Variants in FMN2 observed in about 807,000 individuals in gnomAD.
FMN2 encodes formin-2.
In FMN2, 51 loss-of-function variants were observed where a neutral mutation model predicts 142.3. The ratio of observed to expected loss-of-function variants is 0.36; its 90% confidence interval spans 0.29 to 0.45. The LOEUF is 0.45. Among genes scored for constraint, FMN2 ranks in the 20% least tolerant of loss-of-function variants. The pLI is 1.00. For missense variants in FMN2, 1,936 were observed against 2,122.8 expected, an observed-to-expected ratio of 0.91 and a Z score of 1.73; for synonymous variants, 882 against 869.8, an observed-to-expected ratio of 1.01 and a Z score of -0.25.
In FMN2 at chr1:240,474,821, G is replaced by GCACAA. The variant is rs1201705133; in HGVS notation, c.*669_*670insCAACA. The GCACAA allele has an allele frequency of 7.2e-5, 11 of 152,432 alleles. No homozygotes were observed. Among genetic ancestry groups the GCACAA allele is most frequent in the Non-Finnish European group, 1.3e-4 (9 of 67,988 alleles). The allele number at this position is 152,432 out of a possible 1,614,324, so 9.4% of individuals were successfully genotyped here. A position where few individuals can be genotyped will look rare whatever the true frequency, so the allele number is the denominator to read the frequency against. On this transcript the variant is annotated 3_prime_UTR_variant, in exon 18 of 18. Coordinates refer to ENST00000319653, the MANE Select transcript of FMN2 (RefSeq NM_020066.5). ...TCCATTACTTTTAATGATCTTCGTT[G>GCACAA]CAAGTTATAGTTGTGGATAAAGGGG...
At position 240,474,926 on chromosome 1, in the gene FMN2, A is replaced by G. The variant is rs1374879361; in HGVS notation, c.*772A>G. 6.6e-6 allele frequency: 1 copy of G among 152,604 alleles called. No homozygotes were observed. The highest frequency in any genetic ancestry group is 1.5e-5 in the Non-Finnish European group (1 of 68,012). The allele number at this position is 152,604 out of a possible 1,614,324, so 9.5% of individuals were successfully genotyped here. A position where few individuals can be genotyped will look rare whatever the true frequency, so the allele number is the denominator to read the frequency against. Reference sequence around the variant, plus strand: ...TTCTAAATCATAATTGTTTGTATTTATGTAAAGTATGGTCTCTTACTTTTT... The same window carrying G: ...TTCTAAATCATAATTGTTTGTATTTGTGTAAAGTATGGTCTCTTACTTTTT... On this transcript the variant is annotated 3_prime_UTR_variant, in exon 18 of 18. Coordinates refer to ENST00000319653, the MANE Select transcript of FMN2 (RefSeq NM_020066.5).
rs775590106 is a variant in FMN2, at chr1:240,092,295, CAAG to C, written c.194_196del (p.Lys65del). ...GCGGCGGCGGCGGCGGGGAGTCGGG[CAAG>C]AAGAAGAGCAAGTCCGACTCCAGAG... is the stretch of plus-strand genomic sequence containing the variant. On this transcript the variant is annotated inframe_deletion, in exon 1 of 18. Coordinates refer to ENST00000319653, the MANE Select transcript of FMN2 (RefSeq NM_020066.5). The C allele has an allele frequency of 4.4e-5, 70 of 1,592,038 alleles. No individual in the cohort carries two copies. The highest frequency in any genetic ancestry group is 3.3e-4 in the South Asian group (29 of 88,900).
At chr1:240,096,850 A>T (rs1208249418) in intron 1 of FMN2, among the ~76,000 whole-genome samples, 1 of 152,224 alleles carries the variant, frequency 6.6e-6, no homozygotes, top group African/African-American at 2.4e-5. Flanking sequence ...AACATTTAGC[A>T]ATGAGGGAGA....
chr1:240,179,678 G>A (rs191513187), intron 3 of FMN2: 284 of 152,280 alleles, frequency 1.9e-3, no homozygotes, highest in Non-Finnish European at 3.0e-3. Context: ...AGGACTTTTC[G>A]TTTTCAAAGG....
At chr1:240,404,087 T>C (rs1674074382) in intron 15 of FMN2, among the ~76,000 whole-genome samples, 1 of 152,058 alleles carries the variant, frequency 6.6e-6, no homozygotes, top group East Asian at 1.9e-4. Context: ...TCATGCAAAA[T>C]AAAGACAAAA....
intron 6 of FMN2, among the ~76,000 whole-genome samples, chr1:240,246,226 C>G (rs901672103): frequency 2.6e-5 from 4 of 152,084 alleles, no homozygotes; most frequent in Non-Finnish European, 5.9e-5. Context: ...GGCCAGCCAG[C>G]CTTTTGAAGG....
chr1:240,108,428 T>A (rs1431378869), intron 1 of FMN2, among the ~76,000 whole-genome samples: 3 of 152,200 alleles, frequency 2.0e-5, no homozygotes, highest in African/African-American at 7.2e-5. Context: ...GTATGTGAGA[T>A]ACAGAATATG....
chr1:240,158,850 A>C (rs1664142841), intron 2 of FMN2, among the ~76,000 whole-genome samples: 1 of 152,182 alleles, frequency 6.6e-6, no homozygotes, highest in African/African-American at 2.4e-5. Flanking sequence ...CATCTCTTAA[A>C]GATTGAGCTA....
rs146182804 is a variant in FMN2, at chr1:240,096,501, G to C, written c.1615+2777G>C. Among the ~76,000 whole-genome samples the C allele has an allele frequency of 4.6e-3, 702 of 152,206 alleles. 10 individuals are homozygous for C. Among genetic ancestry groups the C allele is most frequent in the African/African-American group, 0.016 (674 of 41,524 alleles). On this transcript the variant is annotated intron_variant, in intron 1 of 17. Coordinates refer to ENST00000319653, the MANE Select transcript of FMN2 (RefSeq NM_020066.5). ...AACTCTTCATGTCATCTGCCACTACGTTTGCTTCTTTACTCTCCTCTGCTA... is the reference window on the plus strand; with the variant it reads ...AACTCTTCATGTCATCTGCCACTACCTTTGCTTCTTTACTCTCCTCTGCTA...
At chr1:240,205,144 G>A (rs781471051) in intron 4 of FMN2, among the ~76,000 whole-genome samples, 1 of 152,088 alleles carries the variant, frequency 6.6e-6, no homozygotes, top group Non-Finnish European at 1.5e-5. Context: ...TGTTTACCGT[G>A]GCCTATGGGG....
chr1:240,280,264 T>C (rs564510011), intron 7 of FMN2, among the ~76,000 whole-genome samples: 247 of 152,306 alleles, frequency 1.6e-3, no homozygotes, highest in Middle Eastern at 3.4e-3. Flanking sequence ...GAAAATTTTT[T>C]CCCTTAAAAT....
intron 16 of FMN2, among the ~76,000 whole-genome samples, chr1:240,447,622 A>AAGGCAAAAAC: frequency 6.6e-6 from 1 of 152,174 alleles, no homozygotes; most frequent in Non-Finnish European, 1.5e-5. Flanking sequence ...CATTATTTTT[A>AAGGCAAAAAC]TGGCAAAAAC....
chr1:240,216,954 A>C (rs1046546267), intron 6 of FMN2, among the ~76,000 whole-genome samples: 1 of 152,176 alleles, frequency 6.6e-6, no homozygotes, highest in Non-Finnish European at 1.5e-5. Context: ...GTCTCAAAAA[A>C]AAAAAAAGTT....
At chr1:240,384,175 T>C (rs1673330531) in intron 14 of FMN2, among the ~76,000 whole-genome samples, 1 of 151,498 alleles carries the variant, frequency 6.6e-6, no homozygotes, top group Non-Finnish European at 1.5e-5. Flanking sequence ...GAGGGAAGGG[T>C]CAAAAAACTA....
In FMN2 at chr1:240,193,391, G is replaced by A. The variant is rs140421417; in HGVS notation, c.1986+5129G>A. On this transcript the variant is annotated intron_variant, in intron 4 of 17. Transcript: ENST00000319653. ...CTTTCACGTACATGAAATGATTTGC[G>A]AGATGCAATGTAATTCTGCCAAGAT... 8.1e-3 allele frequency among the ~76,000 whole-genome samples: 1,229 copies of A among 152,300 alleles called. 9 individuals carry two copies. Among genetic ancestry groups the A allele is most frequent in the Non-Finnish European group, 0.011 (736 of 68,032 alleles).
At chr1:240,215,960 TG>T (rs1666878958) in intron 6 of FMN2, among the ~76,000 whole-genome samples, 1 of 152,106 alleles carries the variant, frequency 6.6e-6, no homozygotes, top group Non-Finnish European at 1.5e-5. Context: ...CCGTCTACCT[TG>T]GCCTCCCAAA....
chr1:240,318,542 G>A (rs963205217), intron 8 of FMN2, among the ~76,000 whole-genome samples: 13 of 152,106 alleles, frequency 8.5e-5, no homozygotes, highest in Admixed American at 8.5e-4. Context: ...ATACTGTGAG[G>A]TCGTTGGCCA....
rs1020993153 is a variant in FMN2, at chr1:240,143,829, C to T, written c.1782+20484C>T. On this transcript the variant is annotated intron_variant, in intron 2 of 17. Coordinates refer to ENST00000319653, the MANE Select transcript of FMN2 (RefSeq NM_020066.5). ...ATCATTCCACAGGCTAGAGCTGTCA[C>T]ACCTGCCACCTCCATGCTGGACTTT... 2.6e-6 allele frequency: 4 copies of T among 1,552,316 alleles called. No individual in the cohort carries two copies. The African/African-American group carries it at 5.4e-5, about 21-fold the overall frequency.
intron 8 of FMN2, among the ~76,000 whole-genome samples, chr1:240,304,108 T>G (rs918316676): frequency 6.6e-6 from 1 of 152,314 alleles, no homozygotes; most frequent in Admixed American, 6.5e-5. Context: ...TTTAGTTCTT[T>G]GAGCATATTT....
Sources: allele counts gnomAD v4.1 joint callset (sites outside exome capture counted in the v4.1 genomes callset), GRCh38; gene constraint gnomAD v4.1.1; transcripts MANE v1.5; gene names NCBI Gene and HGNC (gene_info 2026-07-23, HGNC 2026-07-21).